ODR4: variants seen among roughly 807,000 people sequenced by gnomAD.
The protein encoded by ODR4 is odr-4 GPCR localization factor homolog, also known as protein odr-4 homolog.
Under a neutral mutation model 60.2 loss-of-function variants are expected in ODR4, and 47 were observed. The observed-to-expected ratio is 0.78, with a 90% CI of 0.62 to 1.00. ODR4 has a LOEUF of 1.00. Among genes scored for constraint, ODR4 ranks in the 50% least tolerant of loss-of-function variants. The pLI, the probability that ODR4 is intolerant of heterozygous loss-of-function variation, is 0.00. For missense variants in ODR4, 488 were observed against 530.8 expected, an observed-to-expected ratio of 0.92 and a Z score of 0.79; for synonymous variants, 178 against 175.5, an observed-to-expected ratio of 1.01 and a Z score of -0.11.
intron 2 of ODR4, among the ~76,000 whole-genome samples, chr1:186,381,829 CCTT>C (rs1426147711): frequency 3.3e-5 from 5 of 152,096 alleles, no homozygotes; most frequent in African/African-American, 1.2e-4. Flanking sequence ...AAAAGAGGAG[CCTT>C]CTTAACTGAG....
At chr1:186,410,531 T>G (rs1661338401) in intron 12 of ODR4, among the ~76,000 whole-genome samples, 1 of 152,216 alleles carries the variant, frequency 6.6e-6, no homozygotes, top group South Asian at 2.1e-4. Context: ...AGATAGAATG[T>G]ATATGCGTGA....
chr1:186,376,189 G>C (rs1659755847), intron 1 of ODR4, among the ~76,000 whole-genome samples: 8 of 152,100 alleles, frequency 5.3e-5, no homozygotes, highest in Admixed American at 5.2e-4. Context: ...TTAAGGACCC[G>C]GGTTAATTCT....
downstream of ODR4, among the ~76,000 whole-genome samples, chr1:186,424,946 A>T (rs780268323): frequency 2.6e-5 from 4 of 151,542 alleles, no homozygotes; most frequent in African/African-American, 9.7e-5. Context: ...TGGTCAAAGT[A>T]ATCTACAGGG....
chr1:186,413,648 C>T (rs1661451220), intron 12 of ODR4, among the ~76,000 whole-genome samples: 1 of 151,986 alleles, frequency 6.6e-6, no homozygotes, highest in Non-Finnish European at 1.5e-5. Flanking sequence ...AATATCAGAG[C>T]TGAGATTAAT....
chr1:186,418,067 C>CTT (rs1166687363), intron 13 of ODR4, among the ~76,000 whole-genome samples: 2 of 152,090 alleles, frequency 1.3e-5, no homozygotes, highest in Non-Finnish European at 2.9e-5. Flanking sequence ...CTAAGAATTA[C>CTT]TTTAACAGTT....
chr1:186,409,912 A>G (rs1009480371), intron 12 of ODR4, among the ~76,000 whole-genome samples: 5 of 152,224 alleles, frequency 3.3e-5, no homozygotes, highest in Admixed American at 2.0e-4. Context: ...TGTTCAGACT[A>G]GGTAAACTCC....
At chr1:186,399,089 A>T (rs1571682794) in intron 11 of ODR4, 45 bp downstream of exon 11, 1 of 1,202,070 alleles carries the variant, frequency 8.3e-7, no homozygotes, top group African/African-American at 1.5e-5. Flanking sequence ...TTCAACTGAT[A>T]TAGTAATAAG....
chr1:186,406,309 G>T, intron 12 of ODR4, 41 bp downstream of exon 12: 1 of 1,430,968 alleles, frequency 7.0e-7, no homozygotes, highest in Non-Finnish European at 9.3e-7. Flanking sequence ...TTAGATTACA[G>T]CTAAGATTTT....
chr1:186,413,257 A>G (rs951696273), intron 12 of ODR4, among the ~76,000 whole-genome samples: 7 of 152,102 alleles, frequency 4.6e-5, no homozygotes, highest in African/African-American at 1.7e-4. Context: ...CTCAACAAGT[A>G]AGTATAATGC....
intron 12 of ODR4, among the ~76,000 whole-genome samples, chr1:186,410,656 GTC>G (rs1436928437): frequency 5.9e-5 from 9 of 152,142 alleles, no homozygotes; most frequent in South Asian, 2.1e-4. Context: ...TCAGAAAAAA[GTC>G]TCTATTATAG....
chr1:186,392,308 T>C (rs1336880366), intron 8 of ODR4, among the ~76,000 whole-genome samples: 1 of 152,176 alleles, frequency 6.6e-6, no homozygotes, highest in Non-Finnish European at 1.5e-5. Context: ...GAATATAAAT[T>C]GTTTTATTGT....
intron 2 of ODR4, 112 bp from the exon 3 acceptor site, chr1:186,382,910 C>G: frequency 8.9e-7 from 1 of 1,121,348 alleles, no homozygotes; most frequent in South Asian, 1.8e-5. Context: ...TAACCTGTTA[C>G]AAATATTACT....
In ODR4 at chr1:186,421,083, G is replaced by A. The variant is rs1222430000; in HGVS notation, c.*2007G>A. On this transcript the variant is annotated 3_prime_UTR_variant, in exon 14 of 14. Coordinates refer to ENST00000287859, the MANE Select transcript of ODR4 (RefSeq NM_017847.6). ...TGTACCCAAAAGAGGGTAGAATTCT[G>A]AGAAAAACTATTAGCTTAGAATTTG... 6.6e-6 allele frequency: 1 copy of A among 152,126 alleles called. No homozygotes were observed. Among genetic ancestry groups the A allele is most frequent in the Non-Finnish European group, 1.5e-5 (1 of 68,022 alleles). 9.4% of individuals were successfully genotyped at this position (152,126 alleles called of 1,614,324 possible).
intron 3 of ODR4, among the ~76,000 whole-genome samples, chr1:186,383,871 C>A (rs543198268): frequency 7.2e-5 from 11 of 152,048 alleles, no homozygotes; most frequent in South Asian, 4.2e-4. Context: ...AACCCCGTCT[C>A]TAGTAAAAAT....
At chr1:186,416,825 C>A (rs1448155121) in intron 12 of ODR4, among the ~76,000 whole-genome samples, 2 of 133,758 alleles carry the variant, frequency 1.5e-5, no homozygotes, top group Admixed American at 8.6e-5. Flanking sequence ...CACCGCACTC[C>A]AGCCTGGGTG....
chr1:186,433,206 TCTTAA>T, the ODR4 span, among the ~76,000 whole-genome samples: 6 of 152,298 alleles, frequency 3.9e-5, no homozygotes, highest in African/African-American at 1.2e-4. Context: ...TGCTTTATTT[TCTTAA>T]CTTAGTTGGA....
downstream of ODR4, among the ~76,000 whole-genome samples, chr1:186,422,644 T>G (rs1403921318): frequency 6.6e-6 from 1 of 152,108 alleles, no homozygotes. Context: ...ATTTACATGT[T>G]TAGATCTTCA....
intron 11 of ODR4, among the ~76,000 whole-genome samples, chr1:186,402,187 A>ATTCTTTCTTTCT (rs71104857): frequency 0.14 from 19,298 of 135,082 alleles, 1,758 homozygotes; most frequent in East Asian, 0.2. Context: ...TAGGCATCCT[A>ATTCTTTCTTTCT]TTCTTTCTTT....
intron 6 of ODR4, 92 bp downstream of exon 6, chr1:186,389,716 C>T (rs988084402): frequency 1.1e-5 from 9 of 854,122 alleles, no homozygotes; most frequent in Admixed American, 8.8e-5. Context: ...TTTCCATTGC[C>T]ATCACTTCCT....
Sources: gnomAD v4.1 joint callset for allele counts (sites outside exome capture counted in the v4.1 genomes callset) on GRCh38, gnomAD v4.1.1 for gene constraint, MANE v1.5 for transcripts, NCBI Gene and HGNC (gene_info 2026-07-23, HGNC 2026-07-21) for gene names.